MPC2: variants seen among roughly 807,000 people sequenced by gnomAD.
The protein encoded by MPC2 is brain protein 44.
Under a neutral mutation model 19.2 loss-of-function variants are expected in MPC2, and 19 were observed. The observed-to-expected ratio is 0.99, with a 90% CI of 0.69 to 1.45. The LOEUF (loss-of-function observed/expected upper bound fraction) is 1.45. MPC2 is among the 40% of genes most tolerant of loss of function. MPC2 has a pLI of 0.00. For synonymous variants in MPC2, 61 were observed against 54.3 expected, an observed-to-expected ratio of 1.12 and a Z score of -0.54; for missense variants, 122 against 153.0, an observed-to-expected ratio of 0.80 and a Z score of 1.07.
In MPC2 at chr1:167,924,596, T is replaced by G. The variant is rs184493966; in HGVS notation, c.110-59A>C. ...AAACCAAATATATTATACACGTCTTTTAACAGCTGTCACCAAATTTTAAAA... is the reference window on the plus strand; with the variant it reads ...AAACCAAATATATTATACACGTCTTGTAACAGCTGTCACCAAATTTTAAAA... On this transcript the variant is annotated intron_variant, in intron 2 of 5. Transcript: ENST00000271373. 4.7e-5 allele frequency: 59 copies of G among 1,244,654 alleles called. No individual in the cohort carries two copies. In the Admixed American group the frequency reaches 1.4e-3, roughly 30 times the overall value. The allele number at this position is 1,244,654 out of a possible 1,614,324, so 77.1% of individuals were successfully genotyped here.
intron 2 of MPC2, among the ~76,000 whole-genome samples, chr1:167,934,618 T>C (rs1671011807): frequency 2.0e-5 from 3 of 152,240 alleles, no homozygotes. Flanking sequence ...AAATCAGATT[T>C]AGTAACCAGT....
In MPC2 at chr1:167,935,799, G is replaced by T; in HGVS notation, c.43C>A (p.Arg15=). The stretch of plus-strand genomic sequence containing the variant: ...ATCAGCTCCACTTTATCGAGGAGCC[G>T]GTGGTAGGTGGCCCGCAGGCCTCGG... The part of the protein sequence containing the change: ...GARGLRATYH[R]LLDKVELMLP... Residue 15 remains arginine, a synonymous_variant, in exon 2 of 6, where the codon CGG becomes AGG. Coordinates refer to ENST00000271373, the MANE Select transcript of MPC2 (RefSeq NM_001143674.4). 6.4e-7 allele frequency: 1 copy of T among 1,558,470 alleles called. No homozygotes were observed. Among genetic ancestry groups the T allele is most frequent in the Non-Finnish European group, 8.7e-7 (1 of 1,151,606 alleles).
intron 2 of MPC2, among the ~76,000 whole-genome samples, chr1:167,930,311 T>TA (rs781242742): frequency 3.5e-4 from 54 of 152,234 alleles, no homozygotes; most frequent in Non-Finnish European, 6.8e-4. Flanking sequence ...TGATACGTTT[T>TA]AAATTTACTT....
At chr1:167,935,946 G>T in intron 1 of MPC2, 48 bp from the exon 2 acceptor site, 1 of 858,872 alleles carries the variant, frequency 1.2e-6, no homozygotes, top group Non-Finnish European at 1.9e-6. Context: ...GACGACTCGC[G>T]TCCGCCTCTC....
At position 167,917,755 on chromosome 1, in the gene MPC2, C is replaced by T. The variant is rs1190525141; in HGVS notation, c.*568G>A. The T allele has an allele frequency of 6.6e-6, 1 of 152,174 alleles. No individual in the cohort carries two copies. The highest frequency in any genetic ancestry group is 1.5e-5 in the Non-Finnish European group (1 of 68,072). The allele number at this position is 152,174 out of a possible 1,614,324, so 9.4% of individuals were successfully genotyped here. Reference sequence around the variant, plus strand: ...TCATGGACCAGGCACTATGTTAAAACATTATCTCATTAATCTTTACAATGA... The same window carrying T: ...TCATGGACCAGGCACTATGTTAAAATATTATCTCATTAATCTTTACAATGA... On this transcript the variant is annotated 3_prime_UTR_variant, in exon 6 of 6. Coordinates refer to ENST00000271373, the MANE Select transcript of MPC2 (RefSeq NM_001143674.4).
At chr1:167,936,778 C>T in intron 1 of MPC2, 161 bp downstream of exon 1, 1 of 749,352 alleles carries the variant, frequency 1.3e-6, no homozygotes, top group Non-Finnish European at 2.2e-6. Flanking sequence ...CTGCCACCGC[C>T]ATCTAACGCT....
At chr1:167,923,513 A>G (rs1342030410) in intron 3 of MPC2, among the ~76,000 whole-genome samples, 2 of 152,150 alleles carry the variant, frequency 1.3e-5, no homozygotes, top group Admixed American at 6.5e-5. Flanking sequence ...TAGAGACAGA[A>G]GGTAGAATGG....
intron 3 of MPC2, among the ~76,000 whole-genome samples, chr1:167,921,205 A>G (rs1440435832): frequency 1.3e-5 from 2 of 151,826 alleles, no homozygotes; most frequent in Non-Finnish European, 2.9e-5. Context: ...AGAAAAACTT[A>G]TAATTTTAGT....
At chr1:167,935,985 C>T (rs1671156194) in intron 1 of MPC2, 87 bp from the exon 2 acceptor site, 2 of 670,332 alleles carry the variant, frequency 3.0e-6, no homozygotes, top group African/African-American at 1.8e-5. Flanking sequence ...GCGGCTTTCC[C>T]TGCCCGCTGT....
intron 2 of MPC2, among the ~76,000 whole-genome samples, chr1:167,926,994 ATTAT>A (rs1419917624): frequency 1.6e-4 from 25 of 152,230 alleles, no homozygotes; most frequent in Admixed American, 1.6e-3. Context: ...TGTTAAAATG[ATTAT>A]TTATGCATCT....
intron 2 of MPC2, 62 bp from the exon 3 acceptor site, chr1:167,924,599 A>C (rs1670687402): frequency 1.7e-6 from 2 of 1,193,568 alleles, no homozygotes; most frequent in African/African-American, 1.6e-5. Flanking sequence ...ACGTCTTTTA[A>C]CAGCTGTCAC....
chr1:167,935,964 G>A (rs1671152798), intron 1 of MPC2, 66 bp from the exon 2 acceptor site: 2 of 734,480 alleles, frequency 2.7e-6, no homozygotes, highest in African/African-American at 1.8e-5. Context: ...CTCGCCTGGA[G>A]TACCCTTCCC....
intron 2 of MPC2, among the ~76,000 whole-genome samples, chr1:167,930,127 T>C (rs114936639): frequency 0.022 from 3,355 of 152,294 alleles, 122 homozygotes; most frequent in African/African-American, 0.076. Flanking sequence ...TTTAGAGCCA[T>C]ATAATTTTAA....
chr1:167,920,083 A>G lies in MPC2; in HGVS notation c.243T>C (p.Ile81=). 1 of 1,603,036 alleles carries G rather than the reference A, an allele frequency of 6.2e-7. No individual in the cohort carries two copies. The highest frequency in any genetic ancestry group is 8.5e-7 in the Non-Finnish European group (1 of 1,173,682). ...TAATTACAAGTGAGTATCTTGACCA[A>G]ATAAACCCTGTTGAAACAAAATGTT... The part of the protein sequence containing the change: ...QSAVLMATGF[I]WSRYSLVIIP... The change falls in exon 5 of 6, where the codon ATT becomes ATC. Residue 81 remains isoleucine (I), a synonymous_variant. Transcript: ENST00000271373.
intron 3 of MPC2, 58 bp downstream of exon 3, chr1:167,924,439 G>A (rs1161372158): frequency 7.0e-6 from 10 of 1,419,334 alleles, no homozygotes; most frequent in Non-Finnish European, 9.7e-6. Flanking sequence ...CTTCAAATTA[G>A]TAAATTCCTA....
chr1:167,919,795 T>C (rs1286316530), intron 5 of MPC2, among the ~76,000 whole-genome samples, 184 bp downstream of exon 5: 1 of 152,122 alleles, frequency 6.6e-6, no homozygotes, highest in East Asian at 1.9e-4. Context: ...CCTAGACTTT[T>C]CTAGAAATGT....
intron 2 of MPC2, among the ~76,000 whole-genome samples, chr1:167,931,115 AG>A (rs1292074792): frequency 7.9e-5 from 12 of 152,200 alleles, no homozygotes; most frequent in African/African-American, 2.7e-4. Flanking sequence ...TATTTTTAGT[AG>A]AGACAGGGTA....
intron 2 of MPC2, among the ~76,000 whole-genome samples, chr1:167,926,287 T>C (rs2102543815): frequency 6.6e-6 from 1 of 152,364 alleles, no homozygotes; most frequent in South Asian, 2.1e-4. Context: ...TTCTTACAAC[T>C]GAGTGAAAAA....
chr1:167,918,310 A>G lies in MPC2; in HGVS notation c.*13T>C. On this transcript the variant is annotated 3_prime_UTR_variant, in exon 6 of 6. Transcript: ENST00000271373. The stretch of plus-strand genomic sequence containing the variant: ...TGTCCACATCTAGATTGTTCAGGTG[A>G]TCAGGAACTCTTTTATTTGTGTGCT... 1.3e-6 allele frequency: 2 copies of G among 1,564,312 alleles called. No homozygotes were observed. Among genetic ancestry groups the G allele is most frequent in the Non-Finnish European group, 1.8e-6 (2 of 1,139,344 alleles).
Sources: gnomAD v4.1 joint callset for allele counts (sites outside exome capture counted in the v4.1 genomes callset) on GRCh38, gnomAD v4.1.1 for gene constraint, MANE v1.5 for transcripts, NCBI Gene and HGNC (gene_info 2026-07-23, HGNC 2026-07-21) for gene names.